Variants in UNC5C observed in about 807,000 individuals in gnomAD.
UNC5C encodes the protein unc-5 netrin receptor C, also known as netrin receptor UNC5C.
In UNC5C, 47 loss-of-function variants were observed where a neutral mutation model predicts 99.8. The ratio of observed to expected loss-of-function variants is 0.47; its 90% CI spans 0.37 to 0.60. The LOEUF is 0.60. Among genes scored for constraint, UNC5C ranks in the 20% least tolerant of loss-of-function variants. The pLI, the probability that UNC5C is intolerant of heterozygous loss-of-function variation, is 0.00. For missense variants in UNC5C, 1,062 were observed against 1,165.9 expected (o/e 0.91, Z 1.30); for synonymous variants, 487 against 452.2 (o/e 1.08, Z -0.98).
chr4:95,289,914 T>C lies in UNC5C; in HGVS notation c.491-11552A>G, dbSNP rs1015904806. Among the ~76,000 whole-genome samples, 10 of 152,202 alleles carry C rather than the reference T, an allele frequency of 6.6e-5. 1 individual carries two copies. The highest frequency in any genetic ancestry group is 1.9e-4 in the African/African-American group (8 of 41,512). On this transcript the variant is annotated intron_variant, in intron 3 of 15. Transcript: ENST00000453304. ...ATGGTTTTCTTTTCCAGGAATAGAGTATCTGATTTTTGCTGGAATTTTTAA... is the reference window on the plus strand; with the variant it reads ...ATGGTTTTCTTTTCCAGGAATAGAGCATCTGATTTTTGCTGGAATTTTTAA...
In UNC5C at chr4:95,308,751, C is replaced by CAAAAA. The variant is rs59626139; in HGVS notation, c.347-7007_347-7003dup. On this transcript the variant is annotated intron_variant, in intron 2 of 15. Coordinates refer to ENST00000453304, the MANE Select transcript of UNC5C (RefSeq NM_003728.4). Reference sequence around the variant, plus strand: ...TGGCTGACAGAGTGAGACTCTGTCTCAAAAAAAAAAAAAAAAAAAAAAAAA... The same window carrying CAAAAA: ...TGGCTGACAGAGTGAGACTCTGTCTCAAAAAAAAAAAAAAAAAAAAAAAAAAAAAA... 5.4e-3 allele frequency among the ~76,000 whole-genome samples: 185 copies of CAAAAA among 34,420 alleles called. 2 individuals carry two copies. Among genetic ancestry groups the CAAAAA allele is most frequent in the Middle Eastern group, 0.029 (1 of 34 alleles). 22.6% of individuals were successfully genotyped at this position (34,420 alleles called of 152,430 possible). A position where few individuals can be genotyped will look rare whatever the true frequency, so the allele number is the denominator to read the frequency against.
At chr4:95,238,508 T>C (rs539542433) in intron 7 of UNC5C, among the ~76,000 whole-genome samples, 1 of 152,146 alleles carries the variant, frequency 6.6e-6, no homozygotes, top group African/African-American at 2.4e-5. Flanking sequence ...ACCATTTAGC[T>C]CCATCTTATT....
rs147328089 is a variant in UNC5C, at chr4:95,474,355, A to G, written c.124+74379T>C. Among the ~76,000 whole-genome samples the G allele has an allele frequency of 1.7e-3, 265 of 152,048 alleles. 4 individuals carry two copies. The East Asian group carries it at 0.044, about 25-fold the overall frequency. ...ACACAGGCTGGAGTACAGTGGTGCA[A>G]TCTCTGCTCACTGCAACCTCCACCT... On this transcript the variant is annotated intron_variant, in intron 1 of 15. Coordinates refer to ENST00000453304, the MANE Select transcript of UNC5C (RefSeq NM_003728.4).
At chr4:95,438,404 C>T (rs546449052) in intron 1 of UNC5C, among the ~76,000 whole-genome samples, 4 of 151,942 alleles carry the variant, frequency 2.6e-5, no homozygotes, top group South Asian at 2.1e-4. Flanking sequence ...CAGATATCCT[C>T]TTATTTAATA....
At chr4:95,411,073 A>G (rs898533458) in intron 1 of UNC5C, among the ~76,000 whole-genome samples, 8 of 152,204 alleles carry the variant, frequency 5.3e-5, no homozygotes, top group African/African-American at 1.9e-4. Context: ...CTGATGATCC[A>G]AAAGAAATTA....
chr4:95,524,688 A>G (rs895201433), intron 1 of UNC5C, among the ~76,000 whole-genome samples: 3 of 152,090 alleles, frequency 2.0e-5, no homozygotes, highest in Non-Finnish European at 4.4e-5. Context: ...ACGTAACCTC[A>G]TTGGTCCCAG....
At chr4:95,205,916 G>A (rs1194103855) in intron 11 of UNC5C, among the ~76,000 whole-genome samples, 1 of 151,920 alleles carries the variant, frequency 6.6e-6, no homozygotes, top group Non-Finnish European at 1.5e-5. Flanking sequence ...TGTATCCCAG[G>A]TACATGTCTG....
chr4:95,252,782 G>GTTTAT (rs1739794655), intron 4 of UNC5C, among the ~76,000 whole-genome samples: 1 of 152,198 alleles, frequency 6.6e-6, no homozygotes. Context: ...GTAACACACA[G>GTTTAT]TTTATTCAGC....
chr4:95,300,830 T>G (rs1579307388), intron 3 of UNC5C, among the ~76,000 whole-genome samples: 1 of 152,244 alleles, frequency 6.6e-6, no homozygotes, highest in East Asian at 1.9e-4. Flanking sequence ...GAGGTGGGGA[T>G]GATTAATGAG....
chr4:95,407,590 G>T lies in UNC5C; in HGVS notation c.125-71959C>A, dbSNP rs188163427. ...TCTGGAATTTTATGGAAGCACTTAG[G>T]GATACATTAATTTTAGTATGTAGAA... On this transcript the variant is annotated intron_variant, in intron 1 of 15. Transcript: ENST00000453304. Among the ~76,000 whole-genome samples, 135 of 152,138 alleles carry T rather than the reference G, an allele frequency of 8.9e-4. 1 individual carries two copies. The highest frequency in any genetic ancestry group is 3.2e-3 in the African/African-American group (132 of 41,500).
intron 1 of UNC5C, among the ~76,000 whole-genome samples, chr4:95,526,938 G>T (rs1722511370): frequency 6.6e-6 from 1 of 151,976 alleles, no homozygotes; most frequent in Non-Finnish European, 1.5e-5. Context: ...TTTATTAAAA[G>T]AATATGTAGC....
intron 1 of UNC5C, among the ~76,000 whole-genome samples, chr4:95,491,248 T>C (rs543455650): frequency 1.2e-3 from 181 of 151,618 alleles, no homozygotes; most frequent in African/African-American, 4.2e-3. Context: ...CAGGCACAAA[T>C]GGAAAATCGC....
chr4:95,510,015 C>G (rs1293648407), intron 1 of UNC5C, among the ~76,000 whole-genome samples: 1 of 151,880 alleles, frequency 6.6e-6, no homozygotes, highest in Non-Finnish European at 1.5e-5. Context: ...TTAAAGTCCT[C>G]TCCGTATTTT....
At chr4:95,278,998 A>G (rs536682670) in intron 3 of UNC5C, among the ~76,000 whole-genome samples, 1 of 152,312 alleles carries the variant, frequency 6.6e-6, no homozygotes, top group Non-Finnish European at 1.5e-5. Flanking sequence ...GTTTTAAATC[A>G]AAAGAACCCC....
intron 1 of UNC5C, among the ~76,000 whole-genome samples, chr4:95,447,628 G>A (rs779760913): frequency 8.5e-5 from 13 of 152,174 alleles, no homozygotes; most frequent in Non-Finnish European, 1.2e-4. Context: ...AGCCTCCCGA[G>A]TAGCTGGGAT....
chr4:95,401,450 C>T (rs1396336789), intron 1 of UNC5C, among the ~76,000 whole-genome samples: 1 of 152,016 alleles, frequency 6.6e-6, no homozygotes. Flanking sequence ...TACAGGAGTG[C>T]ACCACTGTGC....
chr4:95,284,724 A>G (rs936797417), intron 3 of UNC5C, among the ~76,000 whole-genome samples: 1 of 152,202 alleles, frequency 6.6e-6, no homozygotes, highest in East Asian at 1.9e-4. Context: ...TGCACTAAGA[A>G]TTATTTTGAC....
At chr4:95,423,316 T>A (rs939210889) in intron 1 of UNC5C, among the ~76,000 whole-genome samples, 2 of 152,212 alleles carry the variant, frequency 1.3e-5, no homozygotes, top group African/African-American at 4.8e-5. Flanking sequence ...ACAGGGATTA[T>A]CCACCTGTGT....
Position 95,216,995 on chromosome 4 carries a change from A to G in UNC5C, c.1646-784T>C, listed in dbSNP as rs150818787. On this transcript the variant is annotated intron_variant, in intron 9 of 15. Transcript: ENST00000453304. ...TGCCCATGGTGATGGTCTGGGGCCC[A>G]CACCACTGCTCATCATCACAAAGAG... 6.1e-3 allele frequency among the ~76,000 whole-genome samples: 925 copies of G among 152,348 alleles called. 12 individuals are homozygous for G. Among genetic ancestry groups the G allele is most frequent in the African/African-American group, 0.021 (879 of 41,572 alleles).
Sources: gnomAD v4.1 joint callset for allele counts (sites outside exome capture counted in the v4.1 genomes callset) on GRCh38, gnomAD v4.1.1 for gene constraint, MANE v1.5 for transcripts, NCBI Gene and HGNC (gene_info 2026-07-23, HGNC 2026-07-21) for gene names.